SLC24A4: variants seen among roughly 807,000 people sequenced by gnomAD.
The protein encoded by SLC24A4 is sodium/potassium/calcium exchanger 4.
Under a neutral mutation model 79.0 loss-of-function variants are expected in SLC24A4, and 53 were observed. The observed-to-expected ratio is 0.67, with a 90% CI of 0.54 to 0.84. The LOEUF is 0.84. Among genes scored for constraint, SLC24A4 ranks in the 40% least tolerant of loss-of-function variants. The probability of loss-of-function intolerance (pLI) is 0.00; values close to 1 mark genes in which losing one functional copy is unlikely to be tolerated. For synonymous variants in SLC24A4, 323 were observed against 323.8 expected (o/e 1.00, Z 0.03); for missense variants, 731 against 822.0 (o/e 0.89, Z 1.35).
chr14:92,379,363 G>A (rs753709149), intron 2 of SLC24A4, among the ~76,000 whole-genome samples: 9 of 152,130 alleles, frequency 5.9e-5, no homozygotes, highest in Non-Finnish European at 7.4e-5. Flanking sequence ...CTCTGAAGAG[G>A]GATGTTGGCA....
chr14:92,442,089 A>G lies in SLC24A4; in HGVS notation c.394A>G (p.Arg132Gly). 6.2e-7 allele frequency: 1 copy of G among 1,613,502 alleles called. No individual in the cohort carries two copies. The change falls in exon 5 of 17, where the codon AGA becomes GGA. Residue 132 changes from arginine (R) to glycine (G), a missense_variant and splice_region_variant. Arg to Gly is a moderately radical substitution (Grantham distance 125, BLOSUM62 -2). Coordinates refer to ENST00000532405, the MANE Select transcript of SLC24A4 (RefSeq NM_153646.4). ...FVPSLEKICE[R>G]LHLSEDVAGA... The stretch of plus-strand genomic sequence containing the variant: ...GGGTCTGTGGTCACTTCCGTTTCAG[A>G]GACTCCATCTGAGCGAAGATGTGGC...
Position 92,441,390 on chromosome 14 carries a change from C to T in SLC24A4, c.394-699C>T, listed in dbSNP as rs759612668. Among the ~76,000 whole-genome samples, 1 of 152,226 alleles carries T rather than the reference C, an allele frequency of 6.6e-6. No individual in the cohort carries two copies. The highest frequency in any genetic ancestry group is 1.5e-5 in the Non-Finnish European group (1 of 68,040). ...CAGAACAGGCCCCAACCATGAGTTCCCGTCCTGTCCCGTGCCAGCTTAACC... is the reference window on the plus strand; with the variant it reads ...CAGAACAGGCCCCAACCATGAGTTCTCGTCCTGTCCCGTGCCAGCTTAACC... On this transcript the variant is annotated intron_variant, in intron 4 of 16. Transcript: ENST00000532405. This position sits in a 1 kb window ranked among gnomAD's most constrained non-coding sequence, Gnocchi z 4.6.
intron 2 of SLC24A4, among the ~76,000 whole-genome samples, chr14:92,414,193 G>C (rs1890862948): frequency 6.6e-6 from 1 of 152,062 alleles, no homozygotes. Context: ...TTTGTTGTAG[G>C]GGGCTGTCCT....
intron 12 of SLC24A4, among the ~76,000 whole-genome samples, chr14:92,466,147 A>T (rs1329817649): frequency 6.6e-6 from 1 of 152,160 alleles, no homozygotes; most frequent in African/African-American, 2.4e-5. Flanking sequence ...GTGAGCTTGG[A>T]CAAGTTACCT....
At chr14:92,404,643 C>T (rs143403338) in intron 2 of SLC24A4, among the ~76,000 whole-genome samples, 1 of 152,258 alleles carries the variant, frequency 6.6e-6, no homozygotes, top group Non-Finnish European at 1.5e-5. Flanking sequence ...ATAACACCTC[C>T]TAGTGAGGCA....
At chr14:92,422,225 G>A (rs968118844) in intron 2 of SLC24A4, among the ~76,000 whole-genome samples, 15 of 152,218 alleles carry the variant, frequency 9.9e-5, no homozygotes, top group African/African-American at 3.6e-4. Flanking sequence ...AAGACTACAG[G>A]AAAGTGTCCA....
At chr14:92,393,566 T>TTTTA (rs1555365263) in intron 2 of SLC24A4, among the ~76,000 whole-genome samples, 8 of 146,212 alleles carry the variant, frequency 5.5e-5, no homozygotes, top group African/African-American at 2.1e-4. Flanking sequence ...TTTTTTTTTT[T>TTTTA]ACGGAGTCTC....
intron 8 of SLC24A4, among the ~76,000 whole-genome samples, chr14:92,446,176 G>GT (rs56115503): frequency 0.076 from 908 of 11,936 alleles, 2 homozygotes; most frequent in Admixed American, 0.11. Context: ...TGCATTCTAT[G>GT]TTTTTTTTTT....
intron 2 of SLC24A4, among the ~76,000 whole-genome samples, chr14:92,393,426 C>T (rs1390885234): frequency 6.6e-6 from 1 of 152,126 alleles, no homozygotes; most frequent in Admixed American, 6.5e-5. Context: ...CCAGCTGTCT[C>T]CCGCAGCATG....
intron 2 of SLC24A4, among the ~76,000 whole-genome samples, chr14:92,362,675 G>A (rs747456951): frequency 6.6e-6 from 1 of 152,116 alleles, no homozygotes; most frequent in Non-Finnish European, 1.5e-5. Flanking sequence ...CACTCACCCC[G>A]TCACAGTGAT....
chr14:92,481,337 C>T (rs565743219), intron 12 of SLC24A4, among the ~76,000 whole-genome samples: 4 of 152,294 alleles, frequency 2.6e-5, no homozygotes, highest in Non-Finnish European at 5.9e-5. Context: ...TTGTTTGTCC[C>T]AGCTGTCATC....
chr14:92,456,606 C>T lies in SLC24A4; in HGVS notation c.1253C>T (p.Pro418Leu), dbSNP rs750939167. 3.4e-5 allele frequency: 55 copies of T among 1,612,900 alleles called. No individual in the cohort carries two copies. The South Asian group carries it at 4.5e-4, about 13-fold the overall frequency. ...GACTTCCTGTCCCCCTTCTCCGTGC[C>T]GGGTGAGTTCTGGGGGTACTGGACT... is the stretch of plus-strand genomic sequence containing the variant. ...EADFLSPFSV[P>L]EARGDKVKWV... The change falls in exon 12 of 17, where the codon CCG becomes CTG. Residue 418 changes from proline to leucine, a missense_variant and splice_region_variant. Transcript: ENST00000532405.
chr14:92,365,463 C>T (rs918330875), intron 2 of SLC24A4, among the ~76,000 whole-genome samples: 4 of 152,236 alleles, frequency 2.6e-5, no homozygotes, highest in African/African-American at 9.6e-5. Context: ...ACACCCCAAT[C>T]CCCGGGGACC....
chr14:92,442,323 G>T, intron 5 of SLC24A4, 150 bp downstream of exon 5: 1 of 623,144 alleles, frequency 1.6e-6, no homozygotes, highest in Non-Finnish European at 2.8e-6. Flanking sequence ...GTGGTTTCTT[G>T]GGGCATGTGG....
At position 92,361,518 on chromosome 14, in the gene SLC24A4, G is replaced by A. The variant is rs528160384; in HGVS notation, c.241+35540G>A. Among the ~76,000 whole-genome samples, 7 of 152,174 alleles carry A rather than the reference G, an allele frequency of 4.6e-5. No individual in the cohort carries two copies. In the South Asian group the frequency reaches 1.5e-3, roughly 32 times the overall value. On this transcript the variant is annotated intron_variant, in intron 2 of 16. Coordinates refer to ENST00000532405, the MANE Select transcript of SLC24A4 (RefSeq NM_153646.4). ...AATGGAAAGGAAAAAAAAAAATGAA[G>A]AGATTTAGGGCAAGGACAGCCTGAC...
intron 2 of SLC24A4, among the ~76,000 whole-genome samples, chr14:92,380,654 C>T (rs1236212312): frequency 2.0e-5 from 3 of 152,236 alleles, no homozygotes; most frequent in Admixed American, 1.3e-4. Flanking sequence ...TTATCGACTC[C>T]AGGAAGGAAC....
chr14:92,434,049 G>C, intron 3 of SLC24A4, 61 bp downstream of exon 3: 1 of 1,287,828 alleles, frequency 7.8e-7, no homozygotes, highest in East Asian at 2.3e-5. Context: ...TCTGCACAGC[G>C]GGGCAGAGCC....
chr14:92,402,105 C>T (rs1179900539), intron 2 of SLC24A4, among the ~76,000 whole-genome samples: 1 of 152,164 alleles, frequency 6.6e-6, no homozygotes, highest in Non-Finnish European at 1.5e-5. Context: ...TTATCAACTT[C>T]TACTCTTGTT....
At chr14:92,452,777 T>TAAC (rs1305130391) in intron 10 of SLC24A4, 1 of 152,334 alleles carries the variant, frequency 6.6e-6, no homozygotes, top group Admixed American at 6.5e-5. Flanking sequence ...ATGCATGTTC[T>TAAC]CCTGGCTTTG....
Sources: gnomAD v4.1 joint callset for allele counts (sites outside exome capture counted in the v4.1 genomes callset) on GRCh38, gnomAD v4.1.1 for gene constraint, Gnocchi (gnomAD v3.1) non-coding constraint, MANE v1.5 for transcripts, NCBI Gene and HGNC (gene_info 2026-07-23, HGNC 2026-07-21) for gene names.